Variants in PCDHA11 observed in about 807,000 individuals in gnomAD.
The protein encoded by PCDHA11 is protocadherin alpha 11, also known as protocadherin alpha-11.
A neutral mutation model predicts 70.3 loss-of-function variants in PCDHA11; 61 were observed. That is an observed-to-expected ratio of 0.87 (90% CI 0.71 to 1.07). The LOEUF is 1.07. Ranked by LOEUF, PCDHA11 falls within the 50% of genes least tolerant of loss-of-function variation. The pLI, the probability that PCDHA11 is intolerant of heterozygous loss-of-function variation, is 0.00. For missense variants in PCDHA11, 1,324 were observed against 1,237.5 expected (o/e 1.07, Z -1.05); for synonymous variants, 633 against 555.1 (o/e 1.14, Z -1.97).
rs116814228 is a variant in PCDHA11, at chr5:140,916,284, C to T, written c.2391+44790C>T. ...AGAGCATGCTTGTTGCTCTACTCCACGTGGCCAAACTGGTACCAAAGGTGC... is the reference window on the plus strand; with the variant it reads ...AGAGCATGCTTGTTGCTCTACTCCATGTGGCCAAACTGGTACCAAAGGTGC... On this transcript the variant is annotated intron_variant, in intron 1 of 3. Coordinates refer to ENST00000398640, the MANE Select transcript of PCDHA11 (RefSeq NM_018902.5). Among the ~76,000 whole-genome samples the T allele has an allele frequency of 8.7e-3, 1,322 of 152,308 alleles. 14 individuals carry two copies. The highest frequency in any genetic ancestry group is 0.03 in the African/African-American group (1,254 of 41,566).
intron 1 of PCDHA11, among the ~76,000 whole-genome samples, chr5:140,939,305 C>A (rs1251046319): frequency 6.6e-6 from 1 of 152,114 alleles, no homozygotes; most frequent in Non-Finnish European, 1.5e-5. Context: ...TCTACAAAAG[C>A]CCTACCTCCT....
chr5:140,951,144 T>C (rs1052192456), intron 1 of PCDHA11, among the ~76,000 whole-genome samples: 3 of 100,560 alleles, frequency 3.0e-5, no homozygotes, highest in Non-Finnish European at 6.0e-5. Context: ...CTTTATCTTA[T>C]TGAATATAGT....
chr5:140,883,000 ATCCGT>A (rs1554176436), intron 1 of PCDHA11: 1 of 1,614,138 alleles, frequency 6.2e-7, no homozygotes, highest in Non-Finnish European at 8.5e-7. Flanking sequence ...AATTTTACCA[ATCCGT>A]TTATAAAGTG....
intron 1 of PCDHA11, among the ~76,000 whole-genome samples, chr5:140,964,480 C>T (rs2095835890): frequency 6.6e-6 from 1 of 152,122 alleles, no homozygotes; most frequent in Non-Finnish European, 1.5e-5. Flanking sequence ...GATTTTTTCA[C>T]AGTCACAGGT....
chr5:141,012,182 A>T lies in PCDHA11; in HGVS notation c.*2245A>T, dbSNP rs1334407628. On this transcript the variant is annotated 3_prime_UTR_variant, in exon 4 of 4. Coordinates refer to ENST00000398640, the MANE Select transcript of PCDHA11 (RefSeq NM_018902.5). ...CTAATTTATTAATGATGATAATTATAATGTATCTGTACAGCACTTTTTACA... is the reference window on the plus strand; with the variant it reads ...CTAATTTATTAATGATGATAATTATTATGTATCTGTACAGCACTTTTTACA... 6.5e-6 allele frequency: 1 copy of T among 153,776 alleles called. No homozygotes were observed. The highest frequency in any genetic ancestry group is 1.5e-5 in the Non-Finnish European group (1 of 68,050). 9.5% of individuals were successfully genotyped at this position (153,776 alleles called of 1,614,324 possible).
At chr5:140,931,815 T>C (rs954167352) in intron 1 of PCDHA11, among the ~76,000 whole-genome samples, 47 of 152,114 alleles carry the variant, frequency 3.1e-4, no homozygotes, top group African/African-American at 8.4e-4. Flanking sequence ...TAGAAAAGAA[T>C]TCTTGTCATA....
At chr5:140,909,561 C>G (rs1281989854) in intron 1 of PCDHA11, among the ~76,000 whole-genome samples, 1 of 152,110 alleles carries the variant, frequency 6.6e-6, no homozygotes, top group Non-Finnish European at 1.5e-5. Flanking sequence ...TCTCTGCAAC[C>G]CATCCAGAGA....
intron 1 of PCDHA11, among the ~76,000 whole-genome samples, chr5:140,975,369 T>G (rs2096664514): frequency 6.6e-6 from 1 of 152,230 alleles, no homozygotes; most frequent in Admixed American, 6.5e-5. Flanking sequence ...CATAGCATAA[T>G]GTAATCATGG....
rs1466426021 is a variant in PCDHA11 at position 140,917,334 on chromosome 5, G to C, written c.2391+45840G>C. On this transcript the variant is annotated intron_variant, in intron 1 of 3. Transcript: ENST00000398640. ...TTGGTGTTCATGTGGCGGGGGAGGG[G>C]GGGGATGGTGTAGGCTTCTGTTCCA... Among the ~76,000 whole-genome samples the C allele has an allele frequency of 4.7e-5, 7 of 147,744 alleles. 2 individuals carry two copies. The highest frequency in any genetic ancestry group is 1.4e-4 in the Admixed American group (2 of 14,792).
At chr5:140,942,338 G>A (rs1554214916) in intron 1 of PCDHA11, among the ~76,000 whole-genome samples, 1 of 152,042 alleles carries the variant, frequency 6.6e-6, no homozygotes, top group African/African-American at 2.4e-5. Flanking sequence ...TGAACCAGAG[G>A]GAGGCGGAGG....
chr5:140,926,538 G>A (rs155362), intron 1 of PCDHA11: 1 of 210,368 alleles, frequency 4.8e-6, no homozygotes, highest in Admixed American at 5.9e-5. Flanking sequence ...CAGCCAGCGT[G>A]GTGGTCGAGA....
chr5:140,942,157 T>C (rs2093241169), intron 1 of PCDHA11, among the ~76,000 whole-genome samples: 1 of 152,236 alleles, frequency 6.6e-6, no homozygotes, highest in Non-Finnish European at 1.5e-5. Context: ...TAAAACAGCT[T>C]CCATATTTCT....
intron 1 of PCDHA11, among the ~76,000 whole-genome samples, chr5:140,959,954 A>G (rs1054998147): frequency 6.6e-6 from 1 of 152,198 alleles, no homozygotes; most frequent in East Asian, 1.9e-4. Context: ...TATCATAGGT[A>G]GGAGGTAGAT....
intron 3 of PCDHA11, among the ~76,000 whole-genome samples, chr5:141,001,985 G>A (rs536683790): frequency 6.6e-5 from 10 of 152,194 alleles, no homozygotes; most frequent in Non-Finnish European, 1.5e-4. Flanking sequence ...GGAAAGCCTG[G>A]AAGTTCACTT....
intron 1 of PCDHA11, chr5:140,927,650 TC>T (rs2084465821): frequency 6.2e-7 from 1 of 1,614,080 alleles, no homozygotes; most frequent in Admixed American, 1.7e-5. Flanking sequence ...ACTGTGTTAT[TC>T]CGAGTTCAAG....
At position 140,869,239 on chromosome 5, in the gene PCDHA11, G is replaced by A; in HGVS notation, c.136G>A (p.Gly46Ser). The A allele has an allele frequency of 6.2e-7, 1 of 1,613,652 alleles. No homozygotes were observed. The highest frequency in any genetic ancestry group is 8.5e-7 in the Non-Finnish European group (1 of 1,179,958). Residue 46 changes from glycine to serine, a missense_variant, in exon 1 of 4, where the codon GGC becomes AGC. Gly to Ser is a moderately conservative substitution (Grantham distance 56). Transcript: ENST00000398640. ...GGAGGCCAAACACGGCACCTTCGTGGGCCGCATCGCGCAGGACCTGGGGCT... is the reference window on the plus strand; with the variant it reads ...GGAGGCCAAACACGGCACCTTCGTGAGCCGCATCGCGCAGGACCTGGGGCT... ...SEEAKHGTFV[G>S]RIAQDLGLEL...
At chr5:140,885,045 G>T (rs528565062) in intron 1 of PCDHA11, among the ~76,000 whole-genome samples, 3 of 152,238 alleles carry the variant, frequency 2.0e-5, no homozygotes, top group Admixed American at 1.3e-4. Context: ...TTAGTTTAAT[G>T]TATACATATA....
At chr5:140,937,739 C>T (rs1563162684) in intron 1 of PCDHA11, among the ~76,000 whole-genome samples, 1 of 151,716 alleles carries the variant, frequency 6.6e-6, no homozygotes, top group African/African-American at 2.4e-5. Context: ...GGTGAAACCC[C>T]GTCTCTACTA....
intron 1 of PCDHA11, among the ~76,000 whole-genome samples, chr5:140,970,589 C>T (rs74994687): frequency 6.6e-6 from 1 of 152,198 alleles, no homozygotes; most frequent in East Asian, 1.9e-4. Flanking sequence ...CAGAGATATG[C>T]TTTGTGATAC....
Sources: allele counts gnomAD v4.1 joint callset (sites outside exome capture counted in the v4.1 genomes callset), GRCh38; gene constraint gnomAD v4.1.1; transcripts MANE v1.5; gene names NCBI Gene and HGNC (gene_info 2026-07-23, HGNC 2026-07-21).